Variants in HSPG2 observed in about 807,000 individuals in gnomAD.
The protein encoded by HSPG2 is heparan sulfate proteoglycan 2, also known as basement membrane-specific heparan sulfate proteoglycan core protein.
In HSPG2, 278 loss-of-function variants were observed where a neutral mutation model predicts 526.6. That is an observed-to-expected ratio of 0.53 (90% CI 0.48 to 0.58). The LOEUF (loss-of-function observed/expected upper bound fraction) is 0.58. HSPG2 is among the 20% of genes least tolerant of loss of function. The pLI is 0.00. For missense variants in HSPG2, 5,354 were observed against 6,099.5 expected (o/e 0.88, Z 4.07); for synonymous variants, 2,465 against 2,555.4 (o/e 0.96, Z 1.07).
At chr1:21,835,274 C>A in intron 76 of HSPG2, 1 of 596,682 alleles carries the variant, frequency 1.7e-6, no homozygotes, top group Non-Finnish European at 3.0e-6. Context: ...CAGGTGCGTT[C>A]CACCATGCCC....
Position 21,829,372 on chromosome 1 carries a change from TG to T in HSPG2, c.11992+10del. The T allele has an allele frequency of 3.1e-6, 5 of 1,612,526 alleles. No individual in the cohort carries two copies. Among genetic ancestry groups the T allele is most frequent in the Non-Finnish European group, 4.2e-6 (5 of 1,179,270 alleles). ...GTGTGCAGAGCCCCGCATTTGGTGC[TG>T]GGTGCTTACCTGACCCCAACTCATA... On this transcript the variant is annotated intron_variant, in intron 87 of 96. Transcript: ENST00000374695.
At chr1:21,928,081 C>G (rs966424212) in intron 1 of HSPG2, among the ~76,000 whole-genome samples, 10 of 152,244 alleles carry the variant, frequency 6.6e-5, no homozygotes, top group Non-Finnish European at 1.3e-4. Flanking sequence ...AGGAAGCAGG[C>G]CTCCCCATTT....
chr1:21,861,995 C>G lies in HSPG2; in HGVS notation c.4861G>C (p.Glu1621Gln). ...QPCACPLTNP[E>Q]NMFSRTCESL... ...TTGAGCTAGGGTACCCACATGTTCT[C>G]TGGGTTGGTCAGTGGGCAGGCACAG... Residue 1621 changes from glutamate (E) to glutamine (Q), a missense_variant, in exon 38 of 97, where the codon GAG (glutamate) becomes CAG (glutamine). Transcript: ENST00000374695. The G allele has an allele frequency of 1.2e-6, 2 of 1,614,214 alleles. No homozygotes were observed. Among genetic ancestry groups the G allele is most frequent in the South Asian group, 2.2e-5 (2 of 91,088 alleles).
At chr1:21,888,140 G>A in intron 6 of HSPG2, 74 bp from the exon 7 acceptor site, 1 of 1,595,652 alleles carries the variant, frequency 6.3e-7, no homozygotes, top group South Asian at 1.1e-5. Context: ...GGTGCTGTGT[G>A]GCTGGAGTGG....
Position 21,937,151 on chromosome 1 carries a change from T to A in HSPG2, c.63+4A>T. ...CCCCCCGCCCCTCTGCCCCGCACAC[T>A]CACCGCCAGCAGCCGCCCGTGCAGC... is the stretch of plus-strand genomic sequence containing the variant. On this transcript the variant is annotated splice_donor_region_variant and intron_variant, in intron 1 of 96. Coordinates refer to ENST00000374695, the MANE Select transcript of HSPG2 (RefSeq NM_005529.7). 1 of 520,370 alleles carries A rather than the reference T, an allele frequency of 1.9e-6. No homozygotes were observed. The highest frequency in any genetic ancestry group is 1.8e-4 in the East Asian group (1 of 5,670). The allele number at this position is 520,370 out of a possible 1,614,324, so 32.2% of individuals were successfully genotyped here. A position where few individuals can be genotyped will look rare whatever the true frequency, so the allele number is the denominator to read the frequency against.
intron 29 of HSPG2, among the ~76,000 whole-genome samples, chr1:21,873,632 C>T (rs1328160030): frequency 1.3e-5 from 2 of 152,088 alleles, no homozygotes; most frequent in Non-Finnish European, 2.9e-5. Context: ...GGTAGGAACC[C>T]AGGAGTTTCA....
intron 33 of HSPG2, chr1:21,869,426 T>C: frequency 3.0e-6 from 3 of 985,092 alleles, no homozygotes; most frequent in Non-Finnish European, 3.6e-6. Context: ...CTAGAAAGCA[T>C]GGTGGGTGGG....
intron 85 of HSPG2, chr1:21,830,590 T>C (rs960298815): frequency 1.0e-5 from 3 of 290,778 alleles, no homozygotes; most frequent in African/African-American, 2.2e-5. Context: ...CTCAGGAGGC[T>C]GAGGCAGGAG....
chr1:21,838,697 T>G, intron 74 of HSPG2, 128 bp downstream of exon 74: 2 of 964,210 alleles, frequency 2.1e-6, no homozygotes, highest in Non-Finnish European at 3.2e-6. Flanking sequence ...CCCTGGAGAG[T>G]AGGGGAGATG....
In HSPG2 at chr1:21,887,741, C is replaced by A; in HGVS notation, c.704-67G>T. ...CTCCTCACCTGCTCCTTGTCCCCAA[C>A]CCTCCCCAGGCCCACCCTGTACTCC... is the stretch of plus-strand genomic sequence containing the variant. On this transcript the variant is annotated intron_variant, in intron 7 of 96. Coordinates refer to ENST00000374695, the MANE Select transcript of HSPG2 (RefSeq NM_005529.7). This position sits in a 1 kb window ranked among gnomAD's most constrained non-coding sequence, Gnocchi z 5.0. 2 of 1,607,686 alleles carry A rather than the reference C, an allele frequency of 1.2e-6. No homozygotes were observed. The highest frequency in any genetic ancestry group is 1.7e-6 in the Non-Finnish European group (2 of 1,175,156).
chr1:21,865,411 G>A lies in HSPG2; in HGVS notation c.4315-46C>T, dbSNP rs1640149803. On this transcript the variant is annotated intron_variant, in intron 34 of 96. Coordinates refer to ENST00000374695, the MANE Select transcript of HSPG2 (RefSeq NM_005529.7). The surrounding 1 kb of genome is among the most constrained non-coding windows in gnomAD (Gnocchi z 5.4). ...TTGGAAGGGGAGCCGAGGGGTCCCT[G>A]GGGTGCCAGGGTGTCCTCCACCAGT... 2 of 1,549,214 alleles carry A rather than the reference G, an allele frequency of 1.3e-6. No homozygotes were observed. The highest frequency in any genetic ancestry group is 2.7e-5 in the African/African-American group (2 of 73,556).
chr1:21,831,783 A>C lies in HSPG2; in HGVS notation c.11221T>G (p.Ser3741Ala). 6.2e-7 allele frequency: 1 copy of C among 1,601,510 alleles called. No individual in the cohort carries two copies. The highest frequency in any genetic ancestry group is 8.5e-7 in the Non-Finnish European group (1 of 1,171,588). ...GGATGGCGGATGGTGGCCATGCCTG[A>C]GCCTGCATCGAACCTGCTCCGTGGG... ...GRPEFRFDAG[S>A]GMATIRHPTP... is the part of the protein sequence containing the mutation. Residue 3741 changes from serine (S) to alanine (A), a missense_variant, in exon 82 of 97, where the codon TCA becomes GCA. By Grantham distance (99) the Ser-to-Ala change is moderately conservative. Transcript: ENST00000374695.
chr1:21,929,056 C>G (rs1644281586), intron 1 of HSPG2, among the ~76,000 whole-genome samples: 1 of 152,166 alleles, frequency 6.6e-6, no homozygotes, highest in South Asian at 2.1e-4. Context: ...CCACTGTGCC[C>G]AGCCTCACTT....
At position 21,895,458 on chromosome 1, in the gene HSPG2, G is replaced by A. The variant is rs929366267; in HGVS notation, c.244+464C>T. 5.9e-5 allele frequency among the ~76,000 whole-genome samples: 9 copies of A among 152,272 alleles called. No individual in the cohort carries two copies. The highest frequency in any genetic ancestry group is 1.3e-4 in the Admixed American group (2 of 15,300). On this transcript the variant is annotated intron_variant, in intron 3 of 96. Coordinates refer to ENST00000374695, the MANE Select transcript of HSPG2 (RefSeq NM_005529.7). This position sits in a 1 kb window ranked among gnomAD's most constrained non-coding sequence, Gnocchi z 4.1. ...GGCAAGGTTCTCTCCCAAGCCTAGC[G>A]TCAGGCTCGATCTGTGCTCTGCATG...
At position 21,854,288 on chromosome 1, in the gene HSPG2, T is replaced by C. The variant is rs1354735981; in HGVS notation, c.6344A>G (p.Tyr2115Cys). The C allele has an allele frequency of 1.3e-6, 2 of 1,576,178 alleles. No individual in the cohort carries two copies. Among genetic ancestry groups the C allele is most frequent in the East Asian group, 4.6e-5 (2 of 43,400 alleles). Residue 2115 changes from tyrosine (Y) to cysteine (C), a missense_variant, in exon 50 of 97, where the codon TAT (tyrosine) becomes TGT (cysteine). Coordinates refer to ENST00000374695, the MANE Select transcript of HSPG2 (RefSeq NM_005529.7). ...PQVSPADSGE[Y>C]VCRVENGSGP... ...CGATCCATTCTCCACACGGCACACA[T>C]ATTCTCCAGAATCAGCTGGTGAGAC...
At position 21,880,196 on chromosome 1, in the gene HSPG2, C is replaced by T. The variant is rs755029996; in HGVS notation, c.2254G>A (p.Val752Met). 1.2e-6 allele frequency: 2 copies of T among 1,614,188 alleles called. No individual in the cohort carries two copies. Among genetic ancestry groups the T allele is most frequent in the Non-Finnish European group, 1.7e-6 (2 of 1,180,046 alleles). ...GTGCCCAGGTAGGGCCCACCAGGCA[C>T]CCGAGTGAAGTGGGCATCACAGCTC... ...CESCDAHFTR[V>M]PGGPYLGTCS... is the part of the protein sequence containing the mutation. Residue 752 changes from valine (V) to methionine (M), a missense_variant, in exon 17 of 97, where the codon GTG becomes ATG. Val to Met is a conservative substitution (Grantham distance 21, BLOSUM62 1). Transcript: ENST00000374695.
chr1:21,849,489 C>T (rs1638715954), intron 57 of HSPG2, among the ~76,000 whole-genome samples: 1 of 152,222 alleles, frequency 6.6e-6, no homozygotes, highest in Non-Finnish European at 1.5e-5. Context: ...TCTAGACACA[C>T]ATTTCAGTGT....
rs543080023 is a variant in HSPG2, at chr1:21,829,900, C to A, written c.11770+93G>T. The A allele has an allele frequency of 3.8e-3, 4,189 of 1,090,508 alleles. 15 individuals are homozygous for A. Among genetic ancestry groups the A allele is most frequent in the Non-Finnish European group, 4.7e-3 (3,444 of 731,302 alleles). 67.6% of individuals were successfully genotyped at this position (1,090,508 alleles called of 1,614,324 possible). ...TCCTCTGGCTTGGGAATCGTTTTAT[C>A]ATCCGTAGGGCCCATCATGGCCTCA... On this transcript the variant is annotated intron_variant, in intron 86 of 96. Transcript: ENST00000374695.
Position 21,839,734 on chromosome 1 carries a change from G to T in HSPG2, c.9709+88C>A. ...CCCCGTACTCCCCACCCCTGGGCAT[G>T]ACATCATCTCTAGATCACATGTGTC... On this transcript the variant is annotated intron_variant, in intron 72 of 96. Transcript: ENST00000374695. This position sits in a 1 kb window ranked among gnomAD's most constrained non-coding sequence, Gnocchi z 4.5. 1 of 1,481,940 alleles carries T rather than the reference G, an allele frequency of 6.7e-7. No individual in the cohort carries two copies. 91.8% of individuals were successfully genotyped at this position (1,481,940 alleles called of 1,614,324 possible).
Sources: gnomAD v4.1 joint callset for allele counts (sites outside exome capture counted in the v4.1 genomes callset) on GRCh38, gnomAD v4.1.1 for gene constraint, Gnocchi (gnomAD v3.1) non-coding constraint, MANE v1.5 for transcripts, NCBI Gene and HGNC (gene_info 2026-07-23, HGNC 2026-07-21) for gene names.